RBPJ: variants seen among roughly 807,000 people sequenced by gnomAD.
RBPJ encodes the protein recombining binding protein suppressor of hairless.
In RBPJ, 9 loss-of-function variants were observed where a neutral mutation model predicts 67.8. The ratio of observed to expected loss-of-function variants is 0.13; its 90% CI spans 0.08 to 0.23. RBPJ has a LOEUF of 0.23. RBPJ is among the 10% of genes least tolerant of loss of function. The pLI is 1.00. For synonymous variants in RBPJ, 198 were observed against 203.3 expected, an observed-to-expected ratio of 0.97 and a Z score of 0.22; for missense variants, 305 against 595.6, an observed-to-expected ratio of 0.51 and a Z score of 5.08.
At chr4:26,235,266 C>A (rs1428077298) in intron 1 of RBPJ, among the ~76,000 whole-genome samples, 1 of 152,130 alleles carries the variant, frequency 6.6e-6, no homozygotes, top group Non-Finnish European at 1.5e-5. Flanking sequence ...GCTTTTCAAG[C>A]CAAAACAAAT....
intron 1 of RBPJ, among the ~76,000 whole-genome samples, chr4:26,242,432 G>A (rs1294133592): frequency 4.2e-5 from 6 of 143,820 alleles, no homozygotes; most frequent in Non-Finnish European, 7.5e-5. Context: ...GGACAACAGA[G>A]CGAGACTCTG....
In RBPJ at chr4:26,402,191, T is replaced by A. The variant is rs558064217; in HGVS notation, c.60-3984T>A. Among the ~76,000 whole-genome samples, 2 of 152,312 alleles carry A rather than the reference T, an allele frequency of 1.3e-5. 1 individual carries two copies. Among genetic ancestry groups the A allele is most frequent in the South Asian group, 4.1e-4 (2 of 4,824 alleles). On this transcript the variant is annotated intron_variant, in intron 2 of 10. Transcript: ENST00000355476. ...CCGTGTGCCACTGCGCCCAGCCTGC[T>A]TTTGTTTTCTGATTCACCCTGAACT...
rs757516221 is a variant in RBPJ, at chr4:26,434,117, G to A, written c.*3110G>A. The A allele has an allele frequency of 7.9e-5, 12 of 152,152 alleles. No homozygotes were observed. Among genetic ancestry groups the A allele is most frequent in the Non-Finnish European group, 1.2e-4 (8 of 68,004 alleles). 9.4% of individuals were successfully genotyped at this position (152,152 alleles called of 1,614,324 possible). On this transcript the variant is annotated 3_prime_UTR_variant, in exon 11 of 11. Transcript: ENST00000355476. ...CCTTTATATTTTGAGTGATTTCAGC[G>A]TTGAACACTAGTATACTATCTAAAT...
chr4:26,321,107 C>T (rs776495193), intron 1 of RBPJ, 59 bp downstream of exon 1: 3 of 1,411,550 alleles, frequency 2.1e-6, no homozygotes, highest in Non-Finnish European at 3.0e-6. Flanking sequence ...TCTGGCAGCT[C>T]ACGGCGGGCA....
the RBPJ span, among the ~76,000 whole-genome samples, chr4:26,125,902 A>AAC: frequency 1.1e-4 from 16 of 152,258 alleles, no homozygotes; most frequent in African/African-American, 3.4e-4. Flanking sequence ...ATGCAGCTGG[A>AAC]GAGGCAGCAT....
intron 1 of RBPJ, among the ~76,000 whole-genome samples, chr4:26,371,834 A>G (rs1487230812): frequency 6.6e-6 from 1 of 152,244 alleles, no homozygotes; most frequent in African/African-American, 2.4e-5. Flanking sequence ...AAATGTTATC[A>G]GTGAATTGGG....
At chr4:26,149,655 C>T in the RBPJ span, among the ~76,000 whole-genome samples, 7 of 152,266 alleles carry the variant, frequency 4.6e-5, no homozygotes, top group Admixed American at 2.0e-4. Flanking sequence ...GCCCTTCCAC[C>T]TTTCACTATG....
At chr4:26,199,536 G>A (rs113832301) in intron 1 of RBPJ, among the ~76,000 whole-genome samples, 6 of 152,314 alleles carry the variant, frequency 3.9e-5, no homozygotes, top group African/African-American at 7.2e-5. Flanking sequence ...GCAATTCTTC[G>A]AGGTCAGTAG....
intron 1 of RBPJ, among the ~76,000 whole-genome samples, chr4:26,313,357 C>T (rs1033515432): frequency 2.6e-5 from 4 of 152,196 alleles, no homozygotes; most frequent in South Asian, 2.1e-4. Context: ...AAGGGAGAAA[C>T]GCCATCTCTA....
At chr4:26,156,511 T>G in the RBPJ span, among the ~76,000 whole-genome samples, 1 of 147,346 alleles carries the variant, frequency 6.8e-6, no homozygotes. Flanking sequence ...CTCTGTCTCC[T>G]GTGTTCAAGA....
At chr4:26,230,954 G>T (rs929609401) in intron 1 of RBPJ, among the ~76,000 whole-genome samples, 1 of 152,084 alleles carries the variant, frequency 6.6e-6, no homozygotes, top group African/African-American at 2.4e-5. Flanking sequence ...GTCACCCAGA[G>T]ATAATGGCAA....
chr4:26,426,040 A>T (rs80296100), intron 7 of RBPJ, among the ~76,000 whole-genome samples: 103 of 152,282 alleles, frequency 6.8e-4, no homozygotes, highest in African/African-American at 2.4e-3. Context: ...GACATGAAGT[A>T]TAGTAATAGT....
the RBPJ span, among the ~76,000 whole-genome samples, chr4:26,131,279 GGTCACATCCCTATGCA>G: frequency 9.2e-5 from 14 of 152,094 alleles, no homozygotes; most frequent in African/African-American, 3.4e-4. Context: ...TTTCAAACTG[GGTCACATCCCTATGCA>G]GTCACATCCC....
intron 1 of RBPJ, among the ~76,000 whole-genome samples, chr4:26,164,854 G>C (rs1716206744): frequency 6.6e-6 from 1 of 152,164 alleles, no homozygotes; most frequent in Non-Finnish European, 1.5e-5. Flanking sequence ...AAGGTGTGGG[G>C]TTTTGTAGAC....
At position 26,221,925 on chromosome 4, in the gene RBPJ, A is replaced by G. The variant is rs1325376025; in HGVS notation, c.-167+58311A>G. Among the ~76,000 whole-genome samples, 5 of 152,136 alleles carry G rather than the reference A, an allele frequency of 3.3e-5. No individual in the cohort carries two copies. The East Asian group carries it at 9.6e-4, about 29-fold the overall frequency. On this transcript the variant is annotated intron_variant, in intron 1 of 4. Transcript: ENST00000512351. Reference sequence around the variant, plus strand: ...CCAGCGCTGAACGAATTCAATCCAGAGACTGGCAGGGCGGTGAGAGGGATG... The same window carrying G: ...CCAGCGCTGAACGAATTCAATCCAGGGACTGGCAGGGCGGTGAGAGGGATG...
At chr4:26,175,221 G>A (rs1307713675) in intron 1 of RBPJ, among the ~76,000 whole-genome samples, 3 of 152,164 alleles carry the variant, frequency 2.0e-5, no homozygotes, top group Non-Finnish European at 2.9e-5. Flanking sequence ...TGAAGCCGAC[G>A]ACAGCTGAGC....
intron 1 of RBPJ, among the ~76,000 whole-genome samples, chr4:26,180,756 T>C (rs903295076): frequency 6.6e-6 from 1 of 152,116 alleles, no homozygotes; most frequent in African/African-American, 2.4e-5. Context: ...AAAAATAAAA[T>C]ATAGTATGCC....
At chr4:26,417,429 CA>C (rs1734703750) in intron 4 of RBPJ, among the ~76,000 whole-genome samples, 1 of 152,094 alleles carries the variant, frequency 6.6e-6, no homozygotes, top group Non-Finnish European at 1.5e-5. Flanking sequence ...ACCCTTTCCC[CA>C]AGGCCTAGAA....
At chr4:26,125,305 C>A in the RBPJ span, among the ~76,000 whole-genome samples, 2 of 152,186 alleles carry the variant, frequency 1.3e-5, no homozygotes, top group Non-Finnish European at 2.9e-5. Context: ...CCCCTCTCCA[C>A]CACACATACT....
Sources: allele counts gnomAD v4.1 joint callset (sites outside exome capture counted in the v4.1 genomes callset), GRCh38; gene constraint gnomAD v4.1.1; transcripts MANE v1.5; gene names NCBI Gene and HGNC (gene_info 2026-07-23, HGNC 2026-07-21).